The following MYNN variants were observed in gnomAD, a reference collection of about 807,000 sequenced individuals.
MYNN encodes myoneurin.
A neutral mutation model predicts 57.2 loss-of-function variants in MYNN; 22 were observed. The ratio of observed to expected loss-of-function variants is 0.38; its 90% CI spans 0.27 to 0.55. The LOEUF is 0.55. Among genes scored for constraint, MYNN ranks in the 20% least tolerant of loss-of-function variants. MYNN has a pLI of 0.71. For synonymous variants in MYNN, 241 were observed against 257.1 expected (o/e 0.94, Z 0.60); for missense variants, 566 against 723.1 (o/e 0.78, Z 2.49).
chr3:169,780,750 G>GT lies in MYNN; in HGVS notation c.1220+2dup, dbSNP rs1778485808. The GT allele has an allele frequency of 1.3e-6, 2 of 1,592,666 alleles. No homozygotes were observed. Among genetic ancestry groups the GT allele is most frequent in the Middle Eastern group, 1.7e-4 (1 of 5,894 alleles). On this transcript the variant is annotated splice_donor_variant, in intron 4 of 7. Coordinates refer to ENST00000349841, the MANE Select transcript of MYNN (RefSeq NM_018657.5). LOFTEE classifies it high-confidence loss of function. Reference sequence around the variant, plus strand: ...CTAGCAATCTCAAGATTCATGCAAGGTAAAAAACCAAATGAGTTGTTTGAT... The same window carrying GT: ...CTAGCAATCTCAAGATTCATGCAAGGTTAAAAAACCAAATGAGTTGTTTGAT...
rs550177709 is a variant in MYNN at position 169,774,770 on chromosome 3, T to C, written c.266+209T>C. On this transcript the variant is annotated intron_variant, in intron 2 of 7. Coordinates refer to ENST00000349841, the MANE Select transcript of MYNN (RefSeq NM_018657.5). ...AGCACAGATAATAAACAGTAAGATT[T>C]CTGACACGTTTATTTACTGAAACAA... Among the ~76,000 whole-genome samples, 4 of 152,370 alleles carry C rather than the reference T, an allele frequency of 2.6e-5. No homozygotes were observed. The East Asian group carries it at 7.7e-4, about 29-fold the overall frequency.
chr3:169,783,807 T>C, intron 6 of MYNN: 1 of 549,834 alleles, frequency 1.8e-6, no homozygotes, highest in East Asian at 4.0e-5. Flanking sequence ...CAATAGTTTT[T>C]AAATGATTTG....
chr3:169,779,109 T>C lies in MYNN; in HGVS notation c.608T>C (p.Ile203Thr), dbSNP rs781546676. ...AAAACAGTGCAATATCCCAGTGACA[T>C]CTTAGAGAATGCATCTGTTGAATTA... The part of the protein sequence containing the change: ...QNKTVQYPSD[I>T]LENASVELFL... The change falls in exon 3 of 8, where the codon ATC (isoleucine) becomes ACC (threonine). Residue 203 changes from isoleucine to threonine, a missense_variant. Physicochemically the swap from Ile to Thr is moderately conservative, Grantham distance 89 (BLOSUM62 -1). Around this residue, in one of 4 missense-constraint regions of MYNN, gnomAD observed 261 missense variants for 280.8 expected, o/e 0.93. Transcript: ENST00000349841. 1 of 1,614,140 alleles carries C rather than the reference T, an allele frequency of 6.2e-7. No homozygotes were observed. Among genetic ancestry groups the C allele is most frequent in the South Asian group, 1.1e-5 (1 of 91,074 alleles).
chr3:169,778,809 A>T lies in MYNN; in HGVS notation c.308A>T (p.Lys103Ile). Residue 103 changes from lysine to isoleucine, a missense_variant, in exon 3 of 8, where the codon AAA (lysine) becomes ATA (isoleucine). Physicochemically the swap from Lys to Ile is moderately radical, Grantham distance 102. This residue lies in a region of MYNN where 261 missense variants were observed against 280.8 expected (regional missense o/e 0.93). Coordinates refer to ENST00000349841, the MANE Select transcript of MYNN (RefSeq NM_018657.5). ...ATTCATCAGGCTGCTGACTATCTCA[A>T]AGTGGAAGAGGTGGTCACTAAATGC... is the stretch of plus-strand genomic sequence containing the variant. ...KEIHQAADYL[K>I]VEEVVTKCKI... 1 of 1,609,440 alleles carries T rather than the reference A, an allele frequency of 6.2e-7. No homozygotes were observed. The highest frequency in any genetic ancestry group is 8.5e-7 in the Non-Finnish European group (1 of 1,178,294).
chr3:169,778,735 A>G lies in MYNN; in HGVS notation c.267-33A>G, dbSNP rs1348194357. On this transcript the variant is annotated intron_variant, in intron 2 of 7. Transcript: ENST00000349841. Reference sequence around the variant, plus strand: ...CTGTTTCGAAAGTTTTTCTTTGATCAGAATATTGTCATGTAGCCTTGTTTC... The same window carrying G: ...CTGTTTCGAAAGTTTTTCTTTGATCGGAATATTGTCATGTAGCCTTGTTTC... The G allele has an allele frequency of 3.3e-6, 5 of 1,529,028 alleles. No homozygotes were observed. In the South Asian group the frequency reaches 5.2e-5, roughly 16 times the overall value. 94.7% of individuals were successfully genotyped at this position (1,529,028 alleles called of 1,614,324 possible).
chr3:169,774,899 G>A (rs1223271104), intron 2 of MYNN, among the ~76,000 whole-genome samples: 1 of 151,984 alleles, frequency 6.6e-6, no homozygotes, highest in Non-Finnish European at 1.5e-5. Context: ...AGTGCAGTGG[G>A]GCAATCTCGG....
chr3:169,783,648 AT>A (rs1406389983), intron 6 of MYNN, 88 bp downstream of exon 6: 1 of 876,298 alleles, frequency 1.1e-6, no homozygotes, highest in Admixed American at 1.8e-5. Flanking sequence ...TATGGACTAT[AT>A]GGTATTTAGT....
chr3:169,785,071 G>GT (rs926614326), intron 7 of MYNN, among the ~76,000 whole-genome samples: 29 of 68,388 alleles, frequency 4.2e-4, no homozygotes, highest in African/African-American at 1.6e-3. Context: ...TGAAAAAAAA[G>GT]GGGGGGGGGG....
rs1483221985 is a variant in MYNN, at chr3:169,786,931, T to C, written c.*253T>C. The C allele has an allele frequency of 8.4e-6, 3 of 358,970 alleles. No homozygotes were observed. The Admixed American group carries it at 1.2e-4, about 15-fold the overall frequency. The allele number at this position is 358,970 out of a possible 1,614,324, so 22.2% of individuals were successfully genotyped here. On this transcript the variant is annotated 3_prime_UTR_variant, in exon 8 of 8. Coordinates refer to ENST00000349841, the MANE Select transcript of MYNN (RefSeq NM_018657.5). ...TTTTGGGTGGATGAGTTTTATTTTC[T>C]TTTAAAGCTGCCTTAATTCCATTTT...
At position 169,786,431 on chromosome 3, in the gene MYNN, T is replaced by G. The variant is rs201069814; in HGVS notation, c.1586T>G (p.Leu529Arg). ...TKVHSGADKT[L>R]DSSAEDHTLS... ...TCCATTCTAGGTGCAGATAAAACTC[T>G]AGACTCCAGTGCAGAGGATCATACT... Residue 529 changes from leucine (L) to arginine (R), a missense_variant, in exon 8 of 8, where the codon CTA (leucine) becomes CGA (arginine). Physicochemically the swap from Leu to Arg is moderately radical, Grantham distance 102. Coordinates refer to ENST00000349841, the MANE Select transcript of MYNN (RefSeq NM_018657.5). 16 of 1,612,324 alleles carry G rather than the reference T, an allele frequency of 9.9e-6. No homozygotes were observed. The East Asian group carries it at 3.6e-4, about 36-fold the overall frequency.
chr3:169,783,705 T>C lies in MYNN; in HGVS notation c.1483+145T>C, dbSNP rs199700748. ...ATCTTAATGTATAAATATCAACTTA[T>C]TTGCTTATTTTGTTTTTTTTTTAGT... is the stretch of plus-strand genomic sequence containing the variant. On this transcript the variant is annotated intron_variant, in intron 6 of 7. Transcript: ENST00000349841. 1.9e-3 allele frequency: 1,379 copies of C among 718,006 alleles called. 30 individuals are homozygous for C. Among genetic ancestry groups the C allele is most frequent in the South Asian group, 0.018 (1,224 of 66,924 alleles). 44.5% of individuals were successfully genotyped at this position (718,006 alleles called of 1,614,324 possible). A position where few individuals can be genotyped will look rare whatever the true frequency, so the allele number is the denominator to read the frequency against.
At chr3:169,783,408 A>T in intron 5 of MYNN, 69 bp from the exon 6 acceptor site, 1 of 867,732 alleles carries the variant, frequency 1.2e-6, no homozygotes. Context: ...CTTACTTTAG[A>T]TTATTTGTAA....
intron 2 of MYNN, among the ~76,000 whole-genome samples, chr3:169,775,804 T>C (rs1288510656): frequency 6.6e-6 from 1 of 152,200 alleles, no homozygotes; most frequent in Non-Finnish European, 1.5e-5. Flanking sequence ...GATGTGCATG[T>C]ATACATTAAG....
chr3:169,783,386 A>G, intron 5 of MYNN, 91 bp from the exon 6 acceptor site: 1 of 725,118 alleles, frequency 1.4e-6, no homozygotes, highest in South Asian at 2.0e-5. Context: ...TTTAAATAAT[A>G]TTCCAGAAAA....
In MYNN at chr3:169,780,883, G is replaced by A. The variant is rs530098316; in HGVS notation, c.1220+134G>A. Reference sequence around the variant, plus strand: ...ACCAAACAATGTTAACACGTTCAAGGAACCACAAGGAAGCCACAGTGGTTG... The same window carrying A: ...ACCAAACAATGTTAACACGTTCAAGAAACCACAAGGAAGCCACAGTGGTTG... On this transcript the variant is annotated intron_variant, in intron 4 of 7. Transcript: ENST00000349841. 3.0e-5 allele frequency: 23 copies of A among 775,882 alleles called. No homozygotes were observed. In the South Asian group the frequency reaches 4.8e-4, roughly 16 times the overall value. 48.1% of individuals were successfully genotyped at this position (775,882 alleles called of 1,614,324 possible). A position where few individuals can be genotyped will look rare whatever the true frequency, so the allele number is the denominator to read the frequency against.
intron 1 of MYNN, 93 bp from the exon 2 acceptor site, chr3:169,774,172 A>G (rs572735755): frequency 2.1e-6 from 2 of 945,970 alleles, no homozygotes; most frequent in East Asian, 4.9e-5. Context: ...CAAGGGGGCT[A>G]AAATTGTTTA....
rs893736418 is a variant in MYNN at position 169,779,638 on chromosome 3, C to G, written c.1060+77C>G. 523 of 1,399,114 alleles carry G rather than the reference C, an allele frequency of 3.7e-4. 4 individuals are homozygous for G. The highest frequency in any genetic ancestry group is 2.5e-4 in the Middle Eastern group (1 of 3,952). 86.7% of individuals were successfully genotyped at this position (1,399,114 alleles called of 1,614,324 possible). ...GTATTTTTATAGAGAGTACTTAGCA[C>G]ACACTACTTGTGACCAGAATTTGGT... On this transcript the variant is annotated intron_variant, in intron 3 of 7. Coordinates refer to ENST00000349841, the MANE Select transcript of MYNN (RefSeq NM_018657.5).
At chr3:169,774,200 C>T in intron 1 of MYNN, 65 bp from the exon 2 acceptor site, 4 of 1,261,334 alleles carry the variant, frequency 3.2e-6, no homozygotes, top group South Asian at 1.4e-5. Context: ...TCCTCTGTCC[C>T]TTCCCTCACT....
Position 169,774,378 on chromosome 3 carries a change from T to C in MYNN, c.83T>C (p.Ile28Thr), listed in dbSNP as rs1241324537. Residue 28 changes from isoleucine (I) to threonine (T), a missense_variant, in exon 2 of 8, where the codon ATA becomes ACA. This residue lies in a region of MYNN where 26 missense variants were observed against 55.8 expected (regional missense o/e 0.47). Coordinates refer to ENST00000349841, the MANE Select transcript of MYNN (RefSeq NM_018657.5). ...REAGFLCDCT[I>T]VIGEFQFKAH... ...GCAGGTTTTCTCTGTGACTGTACCATAGTGATTGGGGAATTCCAGTTTAAA... is the reference window on the plus strand; with the variant it reads ...GCAGGTTTTCTCTGTGACTGTACCACAGTGATTGGGGAATTCCAGTTTAAA... 1 of 1,614,068 alleles carries C rather than the reference T, an allele frequency of 6.2e-7. No individual in the cohort carries two copies. Among genetic ancestry groups the C allele is most frequent in the Non-Finnish European group, 8.5e-7 (1 of 1,179,950 alleles).
Sources: allele counts gnomAD v4.1 joint callset (sites outside exome capture counted in the v4.1 genomes callset), GRCh38; gene constraint gnomAD v4.1.1; regional missense constraint gnomAD v4.1.1; transcripts MANE v1.5; gene names NCBI Gene and HGNC (gene_info 2026-07-23, HGNC 2026-07-21).